THSD4: variants seen among roughly 807,000 people sequenced by gnomAD.
THSD4 encodes thrombospondin type 1 domain containing 4.
THSD4 carries 69 observed loss-of-function variants against 119.0 expected under a neutral mutation model. The ratio of observed to expected loss-of-function variants is 0.58; its 90% confidence interval spans 0.48 to 0.71. The LOEUF is 0.71. THSD4 is among the 30% of genes least tolerant of loss of function. The pLI is 0.00. For synonymous variants in THSD4, 524 were observed against 540.4 expected (o/e 0.97, Z 0.42); for missense variants, 1,393 against 1,391.1 (o/e 1.00, Z -0.02).
intron 6 of THSD4, among the ~76,000 whole-genome samples, chr15:71,271,299 A>T (rs1440207371): frequency 6.6e-6 from 1 of 152,236 alleles, no homozygotes; most frequent in African/African-American, 2.4e-5. Context: ...GTAAAAAAAG[A>T]ACACACTACT....
chr15:71,688,228 G>C (rs944132402), intron 8 of THSD4, among the ~76,000 whole-genome samples: 13 of 152,142 alleles, frequency 8.5e-5, no homozygotes, highest in African/African-American at 3.1e-4. Flanking sequence ...CTTCTGTCTT[G>C]AGCCCCATCC....
intron 6 of THSD4, among the ~76,000 whole-genome samples, chr15:71,345,606 C>T (rs72761512): frequency 0.058 from 8,886 of 152,082 alleles, 353 homozygotes; most frequent in East Asian, 0.17. Context: ...AGTGGCTTTT[C>T]CCTATTTGCA....
At chr15:71,513,834 T>C (rs1223197700) in intron 7 of THSD4, among the ~76,000 whole-genome samples, 2 of 152,164 alleles carry the variant, frequency 1.3e-5, no homozygotes, top group African/African-American at 2.4e-5. Flanking sequence ...GCAATAGATA[T>C]ACTCAGCAAC....
Position 71,730,934 on chromosome 15 carries a change from A to G in THSD4, c.1534-187A>G, listed in dbSNP as rs544675776. 169 of 579,968 alleles carry G rather than the reference A, an allele frequency of 2.9e-4. 1 individual carries two copies. The highest frequency in any genetic ancestry group is 2.1e-3 in the Middle Eastern group (7 of 3,396). The allele number at this position is 579,968 out of a possible 1,614,324, so 35.9% of individuals were successfully genotyped here. On this transcript the variant is annotated intron_variant, in intron 9 of 17. Coordinates refer to ENST00000261862, the MANE Select transcript of THSD4 (RefSeq NM_024817.3). The stretch of plus-strand genomic sequence containing the variant: ...CTCGGCCTAAGTTCTTCATTCTTCA[A>G]AAGTAAATGACAAAAAGCCATCCAG...
At position 71,417,439 on chromosome 15, in the gene THSD4, A is replaced by T. The variant is rs2046772767; in HGVS notation, c.1152+5616A>T. Among the ~76,000 whole-genome samples the T allele has an allele frequency of 2.8e-5, 3 of 108,206 alleles. 1 individual carries two copies. The highest frequency in any genetic ancestry group is 9.4e-5 in the African/African-American group (3 of 31,816). 71.0% of individuals were successfully genotyped at this position (108,206 alleles called of 152,430 possible). On this transcript the variant is annotated intron_variant, in intron 7 of 17. Transcript: ENST00000261862. ...TGGTGAGAGATAGGAGTTTAGTTTC[A>T]TTCTTCTGCATATGGATTTCCAGTT...
intron 6 of THSD4, among the ~76,000 whole-genome samples, chr15:71,381,627 G>A (rs1182918263): frequency 6.6e-6 from 1 of 152,082 alleles, no homozygotes; most frequent in African/African-American, 2.4e-5. Context: ...AGTTGACTGT[G>A]GATGACAAAA....
In THSD4 at chr15:71,529,056, T is replaced by C. The variant is rs559719585; in HGVS notation, c.1152+117233T>C. On this transcript the variant is annotated intron_variant, in intron 7 of 17. Transcript: ENST00000261862. ...GAAGTTGGATGTAGCCAATGGAAGA[T>C]GGGCCAGTCCTGGTGATTCTCCACT... Among the ~76,000 whole-genome samples the C allele has an allele frequency of 9.3e-4, 142 of 152,324 alleles. 1 individual carries two copies. Among genetic ancestry groups the C allele is most frequent in the Middle Eastern group, 3.4e-3 (1 of 294 alleles).
intron 6 of THSD4, among the ~76,000 whole-genome samples, chr15:71,309,038 C>T (rs1418299430): frequency 6.6e-6 from 1 of 152,218 alleles, no homozygotes. Flanking sequence ...CAACTTCCGC[C>T]TCCCAGGCCC....
chr15:71,366,092 T>C (rs1410716747), intron 6 of THSD4, among the ~76,000 whole-genome samples: 2 of 152,058 alleles, frequency 1.3e-5, no homozygotes, highest in Non-Finnish European at 2.9e-5. Flanking sequence ...TGGTTTTGTT[T>C]AGATGGAGTC....
In THSD4 at chr15:71,245,001, C is replaced by T. The variant is rs540192678; in HGVS notation, c.912+1905C>T. Among the ~76,000 whole-genome samples the T allele has an allele frequency of 8.1e-4, 124 of 152,310 alleles. 1 individual carries two copies. Among genetic ancestry groups the T allele is most frequent in the African/African-American group, 2.9e-3 (120 of 41,580 alleles). ...GCCCGCCCCTTTTGCCAGACCTGTGCTGCCAACGGCAGGGTTGTTCTCCCC... is the reference window on the plus strand; with the variant it reads ...GCCCGCCCCTTTTGCCAGACCTGTGTTGCCAACGGCAGGGTTGTTCTCCCC... On this transcript the variant is annotated intron_variant, in intron 5 of 17. Coordinates refer to ENST00000261862, the MANE Select transcript of THSD4 (RefSeq NM_024817.3).
intron 6 of THSD4, among the ~76,000 whole-genome samples, chr15:71,336,411 T>TA (rs1350322166): frequency 1.3e-5 from 2 of 152,270 alleles, no homozygotes; most frequent in African/African-American, 4.8e-5. Context: ...TAATTAGCAA[T>TA]ATTTAAAGCA....
intron 7 of THSD4, among the ~76,000 whole-genome samples, chr15:71,531,342 T>C (rs1007520373): frequency 6.6e-6 from 1 of 152,128 alleles, no homozygotes; most frequent in Non-Finnish European, 1.5e-5. Context: ...GATGTGGAAA[T>C]TGTGTTGGAA....
intron 5 of THSD4, among the ~76,000 whole-genome samples, chr15:71,251,093 G>C (rs918134918): frequency 5.3e-5 from 8 of 152,182 alleles, no homozygotes; most frequent in Non-Finnish European, 2.9e-5. Flanking sequence ...GTTTTTGTGA[G>C]GTTGAGTTTG....
At chr15:71,145,826 G>T (rs1363677117) in intron 2 of THSD4, among the ~76,000 whole-genome samples, 1 of 151,972 alleles carries the variant, frequency 6.6e-6, no homozygotes, top group Non-Finnish European at 1.5e-5. Context: ...GAAAGAGGTT[G>T]GGGAGGAGGG....
chr15:71,319,701 A>G (rs900711685), intron 6 of THSD4, among the ~76,000 whole-genome samples: 6 of 152,088 alleles, frequency 3.9e-5, no homozygotes, highest in East Asian at 1.9e-4. Flanking sequence ...TAGTGCTGCA[A>G]TAAACATACG....
intron 6 of THSD4, chr15:71,341,363 A>T: frequency 6.2e-7 from 1 of 1,610,586 alleles, no homozygotes; most frequent in Non-Finnish European, 8.5e-7. Flanking sequence ...GTTCACTTGG[A>T]TATGCTCAAT....
At chr15:71,492,461 T>G (rs2047935061) in intron 7 of THSD4, among the ~76,000 whole-genome samples, 1 of 151,934 alleles carries the variant, frequency 6.6e-6, no homozygotes, top group Non-Finnish European at 1.5e-5. Context: ...GTTTTTGTAT[T>G]TTTAATAGAG....
At chr15:71,242,044 C>A (rs982716438) in intron 4 of THSD4, among the ~76,000 whole-genome samples, 3 of 152,098 alleles carry the variant, frequency 2.0e-5, no homozygotes, top group Non-Finnish European at 4.4e-5. Flanking sequence ...GGTGAAGGAG[C>A]CAAGTATTTA....
chr15:71,478,235 T>A (rs1283630951), intron 7 of THSD4, among the ~76,000 whole-genome samples: 2 of 152,244 alleles, frequency 1.3e-5, no homozygotes, highest in African/African-American at 4.8e-5. Flanking sequence ...GACCTGCCTC[T>A]AGGAAGTATA....
Sources: allele counts gnomAD v4.1 joint callset (sites outside exome capture counted in the v4.1 genomes callset), GRCh38; gene constraint gnomAD v4.1.1; transcripts MANE v1.5; gene names NCBI Gene and HGNC (gene_info 2026-07-23, HGNC 2026-07-21).